Variants in ZNF732 observed in about 807,000 individuals in gnomAD.
The protein encoded by ZNF732 is zinc finger protein 732, also known as zinc finger protein LOC654254.
A neutral mutation model predicts 11.5 loss-of-function variants in ZNF732; 12 were observed. The ratio of observed to expected loss-of-function variants is 1.05; its 90% CI spans 0.67 to 1.70. The LOEUF (loss-of-function observed/expected upper bound fraction) is 1.70. Among genes scored for constraint, ZNF732 ranks in the 40% most tolerant of loss-of-function variants. The probability of loss-of-function intolerance (pLI) is 0.00; values close to 1 mark genes in which losing one functional copy is unlikely to be tolerated. For missense variants in ZNF732, 702 were observed against 676.9 expected, an observed-to-expected ratio of 1.04 and a Z score of -0.41; for synonymous variants, 231 against 236.5, an observed-to-expected ratio of 0.98 and a Z score of 0.21.
intron 3 of ZNF732, among the ~76,000 whole-genome samples, chr4:287,138 A>T (rs990594173): frequency 6.6e-6 from 1 of 152,134 alleles, no homozygotes. Context: ...GCGACAGAGC[A>T]AGACTCCGTC....
At chr4:291,298 T>A (rs1403123701) in intron 3 of ZNF732, among the ~76,000 whole-genome samples, 2 of 152,190 alleles carry the variant, frequency 1.3e-5, no homozygotes, top group Non-Finnish European at 2.9e-5. Context: ...CCCAGGCCCA[T>A]CTCGAACTCC....
At chr4:290,407 G>A (rs1553841197) in intron 3 of ZNF732, among the ~76,000 whole-genome samples, 3 of 152,232 alleles carry the variant, frequency 2.0e-5, no homozygotes, top group African/African-American at 7.2e-5. Context: ...GAGACCTGCA[G>A]GAAGACACAG....
At chr4:295,357 C>A in intron 3 of ZNF732, 81 bp downstream of exon 3, 1 of 1,199,618 alleles carries the variant, frequency 8.3e-7, no homozygotes. Context: ...CAGAGCTTCC[C>A]AAACTACATT....
At chr4:282,978 TTAG>T (rs1553840092) in intron 3 of ZNF732, among the ~76,000 whole-genome samples, 1 of 152,096 alleles carries the variant, frequency 6.6e-6, no homozygotes, top group Non-Finnish European at 1.5e-5. Context: ...TAAAAAAAAT[TTAG>T]TTAGCCAATA....
At chr4:274,965 T>A (rs967125592) in intron 3 of ZNF732, among the ~76,000 whole-genome samples, 4 of 151,666 alleles carry the variant, frequency 2.6e-5, no homozygotes. Context: ...GTAGGATATT[T>A]AAATACCCCA....
chr4:295,426 ACT>A lies in ZNF732; in HGVS notation c.226+10_226+11del, dbSNP rs782213226. 3 of 1,594,906 alleles carry A rather than the reference ACT, an allele frequency of 1.9e-6. No individual in the cohort carries two copies. Among genetic ancestry groups the A allele is most frequent in the Admixed American group, 1.8e-5 (1 of 57,058 alleles). On this transcript the variant is annotated intron_variant, in intron 3 of 3. Coordinates refer to ENST00000419098, the MANE Select transcript of ZNF732 (RefSeq NM_001137608.3). ...CTGGCCTGTGTCCTCTCCTTCATTC[ACT>A]GTCACCTACCTGGGTGTTTGGCTAC...
chr4:278,543 G>A (rs1483195050), intron 3 of ZNF732, among the ~76,000 whole-genome samples: 1 of 152,212 alleles, frequency 6.6e-6, no homozygotes, highest in Admixed American at 6.5e-5. Flanking sequence ...AATGGGTTGT[G>A]TGAGCCCCCA....
At chr4:284,293 G>A (rs1719679440) in intron 3 of ZNF732, among the ~76,000 whole-genome samples, 1 of 151,900 alleles carries the variant, frequency 6.6e-6, no homozygotes, top group African/African-American at 2.4e-5. Flanking sequence ...TTACAAATAT[G>A]TGTATATTAG....
chr4:271,688 T>C lies in ZNF732; in HGVS notation c.1169A>G (p.Tyr390Cys), dbSNP rs782274817. 7.4e-6 allele frequency: 12 copies of C among 1,612,424 alleles called. No individual in the cohort carries two copies. Among genetic ancestry groups the C allele is most frequent in the African/African-American group, 1.3e-5 (1 of 74,872 alleles). Residue 390 changes from tyrosine to cysteine, a missense_variant, in exon 4 of 4, where the codon TAC becomes TGC. This residue lies in a region of ZNF732 where 596 missense variants were observed against 557.9 expected (regional missense o/e 1.07). Coordinates refer to ENST00000419098, the MANE Select transcript of ZNF732 (RefSeq NM_001137608.3). ...GGCTTTTCCACATTCTTCACATGTG[T>C]AGGGTTTCTCTCCAGTATGAATACT... ...HKSIHTGEKP[Y>C]TCEECGKAFS...
chr4:274,631 C>G (rs1553838426), intron 3 of ZNF732, among the ~76,000 whole-genome samples: 2 of 151,536 alleles, frequency 1.3e-5, no homozygotes, highest in Non-Finnish European at 3.0e-5. Flanking sequence ...CTACAGGAGT[C>G]ACTTGAGATG....
chr4:305,322 A>C lies in ZNF732; in HGVS notation c.-12T>G. The C allele has an allele frequency of 1.2e-6, 2 of 1,607,680 alleles. No homozygotes were observed. The highest frequency in any genetic ancestry group is 2.2e-5 in the East Asian group (1 of 44,820). On this transcript the variant is annotated 5_prime_UTR_variant, in exon 1 of 4. Coordinates refer to ENST00000419098, the MANE Select transcript of ZNF732 (RefSeq NM_001137608.3). ...CCCACACTCACCATTTCCCCACTTC[A>C]GGGGTGTAGCGGAGTCTCAGCTACG...
chr4:272,397 A>G lies in ZNF732; in HGVS notation c.460T>C (p.Ser154Pro), dbSNP rs1719405464. ...CTTATCCTACGTTGGTTTGAATTTG[A>G]AAATGTACTAAATACTTTGACATGT... is the stretch of plus-strand genomic sequence containing the variant. ...NVHVKVFSTF[S>P]NSNQRRIRHT... The change falls in exon 4 of 4, where the codon TCA (serine) becomes CCA (proline). Residue 154 changes from serine to proline, a missense_variant. This residue lies in a region of ZNF732 where 596 missense variants were observed against 557.9 expected (regional missense o/e 1.07). Coordinates refer to ENST00000419098, the MANE Select transcript of ZNF732 (RefSeq NM_001137608.3). 2 of 1,596,690 alleles carry G rather than the reference A, an allele frequency of 1.3e-6. No individual in the cohort carries two copies. Among genetic ancestry groups the G allele is most frequent in the Non-Finnish European group, 1.7e-6 (2 of 1,170,258 alleles).
chr4:283,315 A>G (rs1719654130), intron 3 of ZNF732, among the ~76,000 whole-genome samples: 1 of 152,204 alleles, frequency 6.6e-6, no homozygotes, highest in South Asian at 2.1e-4. Context: ...AAAATAAACT[A>G]AAACACTCGC....
Position 305,391 on chromosome 4 carries a change from C to G in ZNF732, c.-81G>C, listed in dbSNP as rs935017244. The G allele has an allele frequency of 6.4e-5, 102 of 1,592,164 alleles. 1 individual carries two copies. The highest frequency in any genetic ancestry group is 1.0e-4 in the Admixed American group (6 of 59,464). On this transcript the variant is annotated 5_prime_UTR_variant, in exon 1 of 4. Coordinates refer to ENST00000419098, the MANE Select transcript of ZNF732 (RefSeq NM_001137608.3). The stretch of plus-strand genomic sequence containing the variant: ...GGTCACAGAGCGACGGAGGCTGAGG[C>G]TGTGACCGAATCACCGACGCCTCCC...
chr4:272,555 CTT>C lies in ZNF732; in HGVS notation c.300_301del (p.Arg101LysfsTer3). The C allele has an allele frequency of 6.3e-7, 1 of 1,598,180 alleles. No homozygotes were observed. Among genetic ancestry groups the C allele is most frequent in the East Asian group, 2.2e-5 (1 of 44,724 alleles). On this transcript the variant is annotated frameshift_variant, in exon 4 of 4. Coordinates refer to ENST00000419098, the MANE Select transcript of ZNF732 (RefSeq NM_001137608.3). LOFTEE classifies it low-confidence loss of function (END_TRUNC). Reference sequence around the variant, plus strand: ...CTCATGTCCACATTTCTCATATCTTCTTAATATAAGTTTGTGGAACGAATCTT... The same window carrying C: ...CTCATGTCCACATTTCTCATATCTTCAATATAAGTTTGTGGAACGAATCTT...
chr4:277,099 C>G (rs754413452), intron 3 of ZNF732, among the ~76,000 whole-genome samples: 25 of 151,714 alleles, frequency 1.6e-4, no homozygotes, highest in Non-Finnish European at 3.4e-4. Flanking sequence ...ACATGATAAT[C>G]AAAAAAATAA....
At chr4:288,768 A>G (rs535429351) in intron 3 of ZNF732, among the ~76,000 whole-genome samples, 1 of 152,312 alleles carries the variant, frequency 6.6e-6, no homozygotes, top group East Asian at 1.9e-4. Context: ...TTTTCCAAAA[A>G]GTAGGCTGGG....
At chr4:274,784 TAAGA>T (rs1191845791) in intron 3 of ZNF732, among the ~76,000 whole-genome samples, 1 of 151,618 alleles carries the variant, frequency 6.6e-6, no homozygotes, top group Non-Finnish European at 1.5e-5. Flanking sequence ...TAAAAAGTCA[TAAGA>T]AAGAAGGACA....
chr4:273,853 T>C (rs1311282619), intron 3 of ZNF732, among the ~76,000 whole-genome samples: 5 of 151,064 alleles, frequency 3.3e-5, no homozygotes, highest in African/African-American at 1.2e-4. Flanking sequence ...AATTGGGATA[T>C]TGTTAAGGTG....
Sources: allele counts gnomAD v4.1 joint callset (sites outside exome capture counted in the v4.1 genomes callset), GRCh38; gene constraint gnomAD v4.1.1; regional missense constraint gnomAD v4.1.1; transcripts MANE v1.5; gene names NCBI Gene and HGNC (gene_info 2026-07-23, HGNC 2026-07-21).